The following C12orf42 variants were observed in gnomAD, a reference collection of about 807,000 sequenced individuals.
C12orf42 encodes chromosome 12 open reading frame 42.
A neutral mutation model predicts 21.6 loss-of-function variants in C12orf42; 25 were observed. The ratio of observed to expected loss-of-function variants is 1.16; its 90% CI spans 0.84 to 1.62. The LOEUF (loss-of-function observed/expected upper bound fraction) is 1.62, where lower values mean the gene tolerates loss of function less well. Ranked by LOEUF, C12orf42 falls within the 40% of genes most tolerant of loss-of-function variation. The pLI, the probability that C12orf42 is intolerant of heterozygous loss-of-function variation, is 0.00. For missense variants in C12orf42, 483 were observed against 459.3 expected (o/e 1.05, Z -0.47); for synonymous variants, 174 against 175.0 (o/e 0.99, Z 0.05).
the C12orf42 span, among the ~76,000 whole-genome samples, chr12:103,147,621 C>CGCTT: frequency 1.5e-5 from 1 of 67,930 alleles, no homozygotes; most frequent in Non-Finnish European, 2.5e-5. Flanking sequence ...TCTTCTCTCT[C>CGCTT]TCTTTTTTTT....
the C12orf42 span, among the ~76,000 whole-genome samples, chr12:103,197,730 G>A: frequency 0.34 from 50,966 of 151,984 alleles, 9,396 homozygotes; most frequent in South Asian, 0.42. Context: ...CTTTGGATAG[G>A]GCTTTTTGCT....
intron 3 of C12orf42, among the ~76,000 whole-genome samples, chr12:103,400,522 A>T (rs1476270309): frequency 1.3e-5 from 2 of 152,236 alleles, no homozygotes; most frequent in Non-Finnish European, 2.9e-5. Flanking sequence ...AAATGGACAT[A>T]TAACTAATGA....
intron 2 of C12orf42, among the ~76,000 whole-genome samples, chr12:103,424,513 C>A (rs1401392975): frequency 2.0e-5 from 3 of 152,208 alleles, no homozygotes; most frequent in African/African-American, 7.2e-5. Flanking sequence ...GTGGGTGCAG[C>A]CCACAGAGGG....
At chr12:103,305,446 C>T (rs1289877684) in intron 5 of C12orf42, among the ~76,000 whole-genome samples, 1 of 152,118 alleles carries the variant, frequency 6.6e-6, no homozygotes, top group African/African-American at 2.4e-5. Flanking sequence ...GCTGCAAAAA[C>T]ATTTTTGAGA....
At chr12:103,336,412 C>T (rs2041700605) in intron 4 of C12orf42, among the ~76,000 whole-genome samples, 1 of 152,200 alleles carries the variant, frequency 6.6e-6, no homozygotes. Flanking sequence ...GAGATTCACT[C>T]CAAGCTTCAC....
chr12:103,449,166 GA>G (rs1951779490), intron 2 of C12orf42, among the ~76,000 whole-genome samples: 1 of 151,840 alleles, frequency 6.6e-6, no homozygotes, highest in Non-Finnish European at 1.5e-5. Flanking sequence ...CCATAAAAAG[GA>G]AAAAAATAAT....
At chr12:103,403,831 G>A (rs1344909799) in intron 2 of C12orf42, among the ~76,000 whole-genome samples, 1 of 152,188 alleles carries the variant, frequency 6.6e-6, no homozygotes, top group Non-Finnish European at 1.5e-5. Context: ...GCCCAGGGCA[G>A]TCAGCACGAA....
At chr12:103,225,687 G>A in the C12orf42 span, among the ~76,000 whole-genome samples, 2 of 152,142 alleles carry the variant, frequency 1.3e-5, no homozygotes, top group African/African-American at 4.8e-5. Context: ...TAACTAAAAA[G>A]GAGTGCTTAA....
the C12orf42 span, among the ~76,000 whole-genome samples, chr12:103,163,334 G>A: frequency 6.6e-6 from 1 of 152,176 alleles, no homozygotes; most frequent in Non-Finnish European, 1.5e-5. Context: ...TGTGAAATGA[G>A]GGGAAGGAAT....
chr12:103,459,359 T>C (rs145230782), intron 2 of C12orf42, among the ~76,000 whole-genome samples: 154 of 152,308 alleles, frequency 1.0e-3, no homozygotes, highest in African/African-American at 3.5e-3. Context: ...TTGTAGGACA[T>C]GTTTAGATCA....
chr12:103,530,910 G>C, the C12orf42 span, among the ~76,000 whole-genome samples: 1 of 152,194 alleles, frequency 6.6e-6, no homozygotes, highest in Non-Finnish European at 1.5e-5. Context: ...AGAGGAATCT[G>C]AGCTGTCAGG....
the C12orf42 span, among the ~76,000 whole-genome samples, chr12:103,071,167 T>G: frequency 6.6e-6 from 1 of 152,140 alleles, no homozygotes; most frequent in Non-Finnish European, 1.5e-5. Flanking sequence ...TTTCTACCCA[T>G]GTCATGGGGC....
the C12orf42 span, among the ~76,000 whole-genome samples, chr12:103,547,568 G>A: frequency 1.3e-5 from 2 of 151,796 alleles, no homozygotes; most frequent in Non-Finnish European, 2.9e-5. Flanking sequence ...AAACAAATTA[G>A]ACATGGTTAC....
At chr12:103,304,675 A>G (rs984709209) in intron 5 of C12orf42, among the ~76,000 whole-genome samples, 1 of 152,224 alleles carries the variant, frequency 6.6e-6, no homozygotes, top group Non-Finnish European at 1.5e-5. Flanking sequence ...TGAGGATCAA[A>G]ACTGAAGATG....
intron 10 of C12orf42, among the ~76,000 whole-genome samples, chr12:103,245,359 CAA>C (rs1224569363): frequency 3.3e-5 from 5 of 151,890 alleles, no homozygotes; most frequent in Admixed American, 2.6e-4. Context: ...TATTTGTTCA[CAA>C]AATAAGTACA....
At chr12:103,427,708 A>G (rs1028501448) in intron 2 of C12orf42, among the ~76,000 whole-genome samples, 2 of 152,204 alleles carry the variant, frequency 1.3e-5, no homozygotes, top group Non-Finnish European at 2.9e-5. Flanking sequence ...CTTATTCTAA[A>G]ATTGACCACA....
chr12:103,067,339 G>A, the C12orf42 span, among the ~76,000 whole-genome samples: 1 of 152,162 alleles, frequency 6.6e-6, no homozygotes, highest in Non-Finnish European at 1.5e-5. Flanking sequence ...GGCTGAAGAA[G>A]TGTGGCAGTG....
the C12orf42 span, among the ~76,000 whole-genome samples, chr12:103,053,221 T>C: frequency 6.6e-6 from 1 of 151,980 alleles, no homozygotes; most frequent in African/African-American, 2.4e-5. Context: ...TAAGAGACAC[T>C]ACAGAAAGAT....
chr12:103,219,019 GT>G, the C12orf42 span, among the ~76,000 whole-genome samples: 2 of 151,950 alleles, frequency 1.3e-5, no homozygotes, highest in African/African-American at 4.8e-5. Context: ...AGCTGCAGGA[GT>G]TTTTTTTCAT....
Sources: allele counts gnomAD v4.1 joint callset (sites outside exome capture counted in the v4.1 genomes callset), GRCh38; gene constraint gnomAD v4.1.1; transcripts MANE v1.5; gene names NCBI Gene and HGNC (gene_info 2026-07-23, HGNC 2026-07-21).